NEK9: variants seen among roughly 807,000 people sequenced by gnomAD.
The protein encoded by NEK9 is serine/threonine-protein kinase Nek9.
A neutral mutation model predicts 123.4 loss-of-function variants in NEK9; 75 were observed. The ratio of observed to expected loss-of-function variants is 0.61; its 90% CI spans 0.50 to 0.74. The LOEUF is 0.74. Among genes scored for constraint, NEK9 ranks in the 30% least tolerant of loss-of-function variants. NEK9 has a pLI of 0.00. For synonymous variants in NEK9, 438 were observed against 458.7 expected (o/e 0.95, Z 0.58); for missense variants, 952 against 1,214.4 (o/e 0.78, Z 3.21).
chr14:75,108,514 CGTGTGTGTGTGTGT>C lies in NEK9; in HGVS notation c.1183-1041_1183-1028del, dbSNP rs35358755. ...TTATATATATATGTGTGTGCGTGTG[CGTGTGTGTGTGTGT>C]GTGTGTGTGTGTGTGTGACAGTATA... On this transcript the variant is annotated intron_variant, in intron 10 of 21. Coordinates refer to ENST00000238616, the MANE Select transcript of NEK9 (RefSeq NM_033116.6). 1.7e-4 allele frequency among the ~76,000 whole-genome samples: 25 copies of C among 147,816 alleles called. No homozygotes were observed. In the East Asian group the frequency reaches 2.8e-3, roughly 17 times the overall value.
chr14:75,120,644 CACAT>C (rs1430270224), intron 3 of NEK9, 64 bp from the exon 4 acceptor site: 10 of 1,209,718 alleles, frequency 8.3e-6, no homozygotes, highest in Non-Finnish European at 1.2e-5. Flanking sequence ...AATACACACA[CACAT>C]AAACAAACAA....
At chr14:75,117,472 C>A in intron 5 of NEK9, 146 bp from the exon 6 acceptor site, 1 of 792,334 alleles carries the variant, frequency 1.3e-6, no homozygotes, top group Non-Finnish European at 1.9e-6. Context: ...TTTTATGAGA[C>A]GATGCCACTA....
intron 18 of NEK9, among the ~76,000 whole-genome samples, chr14:75,094,951 T>A (rs1367918082): frequency 1.3e-5 from 2 of 152,122 alleles, no homozygotes; most frequent in Non-Finnish European, 2.9e-5. Flanking sequence ...TCAGAGATCT[T>A]TGGGATGATT....
At chr14:75,102,786 TTCTG>T (rs915240519) in intron 14 of NEK9, among the ~76,000 whole-genome samples, 1 of 152,212 alleles carries the variant, frequency 6.6e-6, no homozygotes, top group African/African-American at 2.4e-5. Context: ...GTCAGAAAAC[TTCTG>T]TCTCTTAATT....
At chr14:75,110,284 C>T (rs775996580) in intron 9 of NEK9, 37 bp downstream of exon 9, 27 of 1,515,740 alleles carry the variant, frequency 1.8e-5, no homozygotes, top group South Asian at 5.7e-5. Flanking sequence ...GTTGTAATTT[C>T]GGATATATTA....
In NEK9 at chr14:75,109,814, A is replaced by G; in HGVS notation, c.1053T>C (p.Val351=). The G allele has an allele frequency of 6.2e-7, 1 of 1,614,150 alleles. No homozygotes were observed. The highest frequency in any genetic ancestry group is 8.5e-7 in the Non-Finnish European group (1 of 1,180,012). Residue 351 remains valine (V), a synonymous_variant, in exon 10 of 22, where the codon GTT becomes GTC. Coordinates refer to ENST00000238616, the MANE Select transcript of NEK9 (RefSeq NM_033116.6). ...GGGGGGTGGATTTTCCACCACCCCA[A>G]ACATAGACTTCACTGGTTCGTGATG... The part of the protein sequence containing the change: ...VVTSRTSEVY[V]WGGGKSTPQK...
chr14:75,092,617 T>C (rs1894257922), intron 18 of NEK9, among the ~76,000 whole-genome samples: 1 of 152,210 alleles, frequency 6.6e-6, no homozygotes. Flanking sequence ...ACTATCTGTA[T>C]CCATTTTTAT....
upstream of NEK9, chr14:75,127,111 C>T (rs374820360): frequency 1.3e-5 from 7 of 536,652 alleles, no homozygotes; most frequent in East Asian, 3.5e-5. Context: ...GTTTCCTCCG[C>T]CTTTGCTTAC....
At chr14:75,094,274 G>A (rs1483686193) in intron 18 of NEK9, among the ~76,000 whole-genome samples, 1 of 152,166 alleles carries the variant, frequency 6.6e-6, no homozygotes, top group African/African-American at 2.4e-5. Flanking sequence ...TTGACCGATT[G>A]TTTATGTATT....
chr14:75,110,235 C>A lies in NEK9; in HGVS notation c.989+86G>T, dbSNP rs537488810. 2.1e-5 allele frequency: 21 copies of A among 1,003,156 alleles called. No homozygotes were observed. The African/African-American group carries it at 3.2e-4, about 15-fold the overall frequency. 62.1% of individuals were successfully genotyped at this position (1,003,156 alleles called of 1,614,324 possible). On this transcript the variant is annotated intron_variant, in intron 9 of 21. Transcript: ENST00000238616. ...TCCTGAAAGGATGCCAAAGTATCCT[C>A]GGATCAAATAATGCCTACACTCAAG...
At chr14:75,126,609 T>C in intron 1 of NEK9, 94 bp downstream of exon 1, 1 of 1,027,806 alleles carries the variant, frequency 9.7e-7, no homozygotes, top group South Asian at 2.1e-5. Context: ...CCTAAAGCAC[T>C]AAGCTCACGA....
intron 19 of NEK9, among the ~76,000 whole-genome samples, chr14:75,089,891 G>A (rs1040244548): frequency 2.6e-5 from 4 of 152,008 alleles, no homozygotes; most frequent in African/African-American, 9.7e-5. Flanking sequence ...TAGAGATGGG[G>A]TTTCACCATG....
rs895024841 is a variant in NEK9, at chr14:75,126,977, C to A, written c.-56G>T. On this transcript the variant is annotated 5_prime_UTR_variant, in exon 1 of 22. Coordinates refer to ENST00000238616, the MANE Select transcript of NEK9 (RefSeq NM_033116.6). ...TGCGTATGCCCGGAGGCCCTGGCCG[C>A]GCTGCGTCCCGCTCGCTTCAGATGC... 1.5e-6 allele frequency: 2 copies of A among 1,340,118 alleles called. No homozygotes were observed. The allele number at this position is 1,340,118 out of a possible 1,614,324, so 83.0% of individuals were successfully genotyped here. A position where few individuals can be genotyped will look rare whatever the true frequency, so the allele number is the denominator to read the frequency against.
Position 75,087,084 on chromosome 14 carries a change from C to T in NEK9, c.2751G>A (p.Gln917=), listed in dbSNP as rs1894050181. 1.2e-6 allele frequency: 2 copies of T among 1,614,210 alleles called. No homozygotes were observed. Among genetic ancestry groups the T allele is most frequent in the Non-Finnish European group, 8.5e-7 (1 of 1,180,038 alleles). The change falls in exon 21 of 22, where the codon CAG becomes CAA. Residue 917 remains glutamine, a synonymous_variant. Coordinates refer to ENST00000238616, the MANE Select transcript of NEK9 (RefSeq NM_033116.6). The stretch of plus-strand genomic sequence containing the variant: ...GGGTAAAAATCTGGAGGTTTTCTTG[C>T]TGTAGCTTCTGTTGTTCAGCCAGAC... ...LKCLAEQQKL[Q]QENLQIFTQL...
rs1895541001 is a variant in NEK9, at chr14:75,126,712, G to A, written c.210C>T (p.Arg70=). 1 of 1,452,370 alleles carries A rather than the reference G, an allele frequency of 6.9e-7. No homozygotes were observed. Among genetic ancestry groups the A allele is most frequent in the Non-Finnish European group, 9.1e-7 (1 of 1,103,384 alleles). 90.0% of individuals were successfully genotyped at this position (1,452,370 alleles called of 1,614,324 possible). The stretch of plus-strand genomic sequence containing the variant: ...CGCCGAGGGCCGCTACCTCGGTGCG[G>A]CGGTACAGCGTGGCTTCCCCGAAGG... ...RGAFGEATLY[R]RTEDDSLVVW... is the part of the protein sequence containing the mutation. The change falls in exon 1 of 22, where the codon CGC becomes CGT. Residue 70 remains arginine, a synonymous_variant. Coordinates refer to ENST00000238616, the MANE Select transcript of NEK9 (RefSeq NM_033116.6).
chr14:75,102,606 C>G (rs1314667347), intron 14 of NEK9, among the ~76,000 whole-genome samples: 1 of 152,122 alleles, frequency 6.6e-6, no homozygotes, highest in Non-Finnish European at 1.5e-5. Flanking sequence ...CCCGCCTCAG[C>G]CTCCCAAAGT....
Position 75,082,589 on chromosome 14 carries a change from G to C in NEK9, c.*1975C>G, listed in dbSNP as rs73309778. The C allele has an allele frequency of 0.011, 1,950 of 176,198 alleles. 42 individuals are homozygous for C. The highest frequency in any genetic ancestry group is 0.044 in the African/African-American group (1,874 of 42,596). 10.9% of individuals were successfully genotyped at this position (176,198 alleles called of 1,614,324 possible). A position where few individuals can be genotyped will look rare whatever the true frequency, so the allele number is the denominator to read the frequency against. Reference sequence around the variant, plus strand: ...CACAGCGTTCCACTGCTAGGGAAAGGCTCCCCTATGAACAAGACCAGGGCA... The same window carrying C: ...CACAGCGTTCCACTGCTAGGGAAAGCCTCCCCTATGAACAAGACCAGGGCA... On this transcript the variant is annotated 3_prime_UTR_variant, in exon 22 of 22. Transcript: ENST00000238616.
chr14:75,124,743 T>C (rs1294155141), intron 1 of NEK9, among the ~76,000 whole-genome samples: 1 of 151,930 alleles, frequency 6.6e-6, no homozygotes, highest in African/African-American at 2.4e-5. Flanking sequence ...TCTCATACTT[T>C]TATGTATCCT....
In NEK9 at chr14:75,121,100, C is replaced by T. The variant is rs372290079; in HGVS notation, c.453+19G>A. The stretch of plus-strand genomic sequence containing the variant: ...ACAACACTACAATTCTAACTTCCTT[C>T]CACAGAAATATGAATTACCTCTTCC... On this transcript the variant is annotated intron_variant, in intron 3 of 21. Transcript: ENST00000238616. 6.8e-5 allele frequency: 109 copies of T among 1,591,302 alleles called. No homozygotes were observed. Among genetic ancestry groups the T allele is most frequent in the Middle Eastern group, 1.7e-4 (1 of 6,042 alleles).
Sources: allele counts gnomAD v4.1 joint callset (sites outside exome capture counted in the v4.1 genomes callset), GRCh38; gene constraint gnomAD v4.1.1; transcripts MANE v1.5; gene names NCBI Gene and HGNC (gene_info 2026-07-23, HGNC 2026-07-21).